PRDM16: variants seen among roughly 807,000 people sequenced by gnomAD.
PRDM16 encodes PR/SET domain 16, also known as histone-lysine N-methyltransferase PRDM16.
In PRDM16, 23 loss-of-function variants were observed where a neutral mutation model predicts 110.6. That is an observed-to-expected ratio of 0.21 (90% CI 0.15 to 0.29). The LOEUF (loss-of-function observed/expected upper bound fraction) is 0.29. PRDM16 is among the 10% of genes least tolerant of loss of function. PRDM16 has a pLI of 1.00. For synonymous variants in PRDM16, 799 were observed against 781.8 expected, an observed-to-expected ratio of 1.02 and a Z score of -0.37; for missense variants, 1,615 against 1,794.3, an observed-to-expected ratio of 0.90 and a Z score of 1.81.
At chr1:3,197,719 C>T (rs917169734) in intron 2 of PRDM16, among the ~76,000 whole-genome samples, 11 of 152,200 alleles carry the variant, frequency 7.2e-5, no homozygotes, top group African/African-American at 2.7e-4. Context: ...TGAGGGTGGG[C>T]GGCTGTGGCC....
rs113929753 is a variant in PRDM16 at position 3,436,857 on chromosome 1, G to A, written c.*3046G>A. 440 of 233,074 alleles carry A rather than the reference G, an allele frequency of 1.9e-3. 1 individual carries two copies. Among genetic ancestry groups the A allele is most frequent in the African/African-American group, 6.8e-3 (307 of 45,450 alleles). 14.4% of individuals were successfully genotyped at this position (233,074 alleles called of 1,614,324 possible). On this transcript the variant is annotated 3_prime_UTR_variant, in exon 17 of 17. Transcript: ENST00000270722. ...CAAGCCAGGGGTCCAGGGCCCTTCCGTTCAGCCCAAATGCTGCCCCAATGC... is the reference window on the plus strand; with the variant it reads ...CAAGCCAGGGGTCCAGGGCCCTTCCATTCAGCCCAAATGCTGCCCCAATGC...
intron 2 of PRDM16, among the ~76,000 whole-genome samples, chr1:3,188,837 C>G (rs1275105291): frequency 6.6e-6 from 1 of 152,156 alleles, no homozygotes; most frequent in Non-Finnish European, 1.5e-5. Context: ...GAGGAGGAAG[C>G]AGGGGGCGGG....
At chr1:3,354,535 G>A (rs1308018024) in intron 3 of PRDM16, among the ~76,000 whole-genome samples, 1 of 151,880 alleles carries the variant, frequency 6.6e-6, no homozygotes, top group African/African-American at 2.4e-5. Context: ...GGTCATCCAG[G>A]CCCTCAGCCC....
rs1639713177 is a variant in PRDM16, at chr1:3,243,135, C to T, written c.388-952C>T. 6.6e-6 allele frequency among the ~76,000 whole-genome samples: 1 copy of T among 152,240 alleles called. No homozygotes were observed. Among genetic ancestry groups the T allele is most frequent in the Non-Finnish European group, 1.5e-5 (1 of 68,046 alleles). On this transcript the variant is annotated intron_variant, in intron 2 of 16. Coordinates refer to ENST00000270722, the MANE Select transcript of PRDM16 (RefSeq NM_022114.4). This position sits in a 1 kb window ranked among gnomAD's most constrained non-coding sequence, Gnocchi z 5.5. ...GCCGACTGCTGGCCCACTCCAGCCT[C>T]CCTGTCTCGGCCTCTGTCCACACGT...
rs1638949294 is a variant in PRDM16 at position 3,437,815 on chromosome 1, CAA to C, written c.*4007_*4008del. 4.6e-6 allele frequency: 1 copy of C among 217,780 alleles called. No homozygotes were observed. The highest frequency in any genetic ancestry group is 1.9e-4 in the South Asian group (1 of 5,392). The allele number at this position is 217,780 out of a possible 1,614,324, so 13.5% of individuals were successfully genotyped here. On this transcript the variant is annotated 3_prime_UTR_variant, in exon 17 of 17. Coordinates refer to ENST00000270722, the MANE Select transcript of PRDM16 (RefSeq NM_022114.4). Reference sequence around the variant, plus strand: ...TCCAAACGTGTGATTCACTTGTGAACAAAAGTCATTCTAACAATTGCCTTCAG... The same window carrying C: ...TCCAAACGTGTGATTCACTTGTGAACAAGTCATTCTAACAATTGCCTTCAG...
chr1:3,082,610 C>T (rs778810258), intron 1 of PRDM16, among the ~76,000 whole-genome samples: 5 of 152,240 alleles, frequency 3.3e-5, no homozygotes, highest in Non-Finnish European at 5.9e-5. Flanking sequence ...GCATCCATGC[C>T]TCGGCTGGGT....
rs1641700851 is a variant in PRDM16 at position 3,069,720 on chromosome 1, C to T, written c.37+424C>T. 6.6e-6 allele frequency among the ~76,000 whole-genome samples: 1 copy of T among 152,060 alleles called. No homozygotes were observed. Among genetic ancestry groups the T allele is most frequent in the South Asian group, 2.1e-4 (1 of 4,830 alleles). On this transcript the variant is annotated intron_variant, in intron 1 of 16. Coordinates refer to ENST00000270722, the MANE Select transcript of PRDM16 (RefSeq NM_022114.4). This position sits in a 1 kb window ranked among gnomAD's most constrained non-coding sequence, Gnocchi z 6.1. Reference sequence around the variant, plus strand: ...CTCCCCGCTCGCTCTCTCCCTCTCTCTCTCCGAGTGGCTCTCAGTCCTGGT... The same window carrying T: ...CTCCCCGCTCGCTCTCTCCCTCTCTTTCTCCGAGTGGCTCTCAGTCCTGGT...
chr1:3,126,628 A>G (rs1643214775), intron 1 of PRDM16, among the ~76,000 whole-genome samples: 1 of 152,072 alleles, frequency 6.6e-6, no homozygotes, highest in Admixed American at 6.5e-5. Flanking sequence ...AGGGCTGGGG[A>G]CTGGACCAGG....
chr1:3,194,651 A>G (rs1431720646), intron 2 of PRDM16, among the ~76,000 whole-genome samples: 1 of 146,398 alleles, frequency 6.8e-6, no homozygotes, highest in Non-Finnish European at 1.5e-5. Flanking sequence ...GCCACACGCC[A>G]CCGTCTCCCC....
Position 3,143,172 on chromosome 1 carries a change from G to T in PRDM16, c.38-42953G>T, listed in dbSNP as rs1643584750. On this transcript the variant is annotated intron_variant, in intron 1 of 16. Coordinates refer to ENST00000270722, the MANE Select transcript of PRDM16 (RefSeq NM_022114.4). The surrounding 1 kb of genome is among the most constrained non-coding windows in gnomAD (Gnocchi z 4.5). Reference sequence around the variant, plus strand: ...GGCAACCGCAGTGCTGGGCCGGGGGGAGTCGCTGGTTTGCAGCCCCTCGGG... The same window carrying T: ...GGCAACCGCAGTGCTGGGCCGGGGGTAGTCGCTGGTTTGCAGCCCCTCGGG... 6.6e-6 allele frequency among the ~76,000 whole-genome samples: 1 copy of T among 152,198 alleles called. No individual in the cohort carries two copies. The highest frequency in any genetic ancestry group is 2.4e-5 in the African/African-American group (1 of 41,452).
chr1:3,148,733 A>G lies in PRDM16; in HGVS notation c.38-37392A>G, dbSNP rs537362141. On this transcript the variant is annotated intron_variant, in intron 1 of 16. Coordinates refer to ENST00000270722, the MANE Select transcript of PRDM16 (RefSeq NM_022114.4). The surrounding 1 kb of genome is among the most constrained non-coding windows in gnomAD (Gnocchi z 5.0). ...AAGCCAAAGGGTGGTGAATCTGGGCACTGCCTGGGACCATGGGGGGACCAC... is the reference window on the plus strand; with the variant it reads ...AAGCCAAAGGGTGGTGAATCTGGGCGCTGCCTGGGACCATGGGGGGACCAC... Among the ~76,000 whole-genome samples, 3 of 152,352 alleles carry G rather than the reference A, an allele frequency of 2.0e-5. No individual in the cohort carries two copies. In the South Asian group the frequency reaches 6.2e-4, roughly 32 times the overall value.
At chr1:3,421,153 C>A (rs1638415631) in intron 12 of PRDM16, among the ~76,000 whole-genome samples, 1 of 152,158 alleles carries the variant, frequency 6.6e-6, no homozygotes, top group South Asian at 2.1e-4. Flanking sequence ...TTCTTTCTTC[C>A]TCTTCCCTCA....
intron 1 of PRDM16, among the ~76,000 whole-genome samples, chr1:3,109,787 C>T (rs1490116260): frequency 1.3e-5 from 2 of 152,232 alleles, no homozygotes; most frequent in Non-Finnish European, 2.9e-5. Flanking sequence ...CCAAATATCA[C>T]CTGAGTGGCC....
chr1:3,376,996 C>A (rs954125880), intron 3 of PRDM16, among the ~76,000 whole-genome samples: 1 of 152,378 alleles, frequency 6.6e-6, no homozygotes, highest in East Asian at 1.9e-4. Context: ...AACGCCTTTC[C>A]CCCACCTCCT....
chr1:3,166,345 GC>G (rs1180566731), intron 1 of PRDM16, among the ~76,000 whole-genome samples: 1 of 152,246 alleles, frequency 6.6e-6, no homozygotes, highest in Non-Finnish European at 1.5e-5. Flanking sequence ...GGTGCCACAG[GC>G]CAGGCGTCTG....
At chr1:3,115,968 C>T (rs1157089059) in intron 1 of PRDM16, among the ~76,000 whole-genome samples, 1 of 152,112 alleles carries the variant, frequency 6.6e-6, no homozygotes, top group Admixed American at 6.5e-5. Context: ...CATGCCCCAG[C>T]CTCCCGGGAG....
rs900818100 is a variant in PRDM16 at position 3,265,737 on chromosome 1, A to G, written c.438+21600A>G. On this transcript the variant is annotated intron_variant, in intron 3 of 16. Coordinates refer to ENST00000270722, the MANE Select transcript of PRDM16 (RefSeq NM_022114.4). This position sits in a 1 kb window ranked among gnomAD's most constrained non-coding sequence, Gnocchi z 4.5. ...TGACTGTGGTTAATCAGGAGGTCACAGTTAGCCCCAGCCAGACAGGCATTA... is the reference window on the plus strand; with the variant it reads ...TGACTGTGGTTAATCAGGAGGTCACGGTTAGCCCCAGCCAGACAGGCATTA... Among the ~76,000 whole-genome samples the G allele has an allele frequency of 2.0e-5, 3 of 152,126 alleles. No homozygotes were observed. Among genetic ancestry groups the G allele is most frequent in the African/African-American group, 7.2e-5 (3 of 41,412 alleles).
Position 3,230,443 on chromosome 1 carries a change from C to T in PRDM16, c.388-13644C>T, listed in dbSNP as rs116624515. Among the ~76,000 whole-genome samples, 792 of 152,348 alleles carry T rather than the reference C, an allele frequency of 5.2e-3. 3 individuals carry two copies. The highest frequency in any genetic ancestry group is 0.018 in the African/African-American group (762 of 41,576). ...CACCAGACCTGCCCCAGAGAAGAGA[C>T]CCTTCCCCATCCCAGAGGAGGTTGA... On this transcript the variant is annotated intron_variant, in intron 2 of 16. Transcript: ENST00000270722.
At chr1:3,082,348 A>G (rs987636513) in intron 1 of PRDM16, among the ~76,000 whole-genome samples, 1 of 152,148 alleles carries the variant, frequency 6.6e-6, no homozygotes, top group Non-Finnish European at 1.5e-5. Context: ...TGCCTGGCCA[A>G]TGTCAGAGGG....
Sources: allele counts gnomAD v4.1 joint callset (sites outside exome capture counted in the v4.1 genomes callset), GRCh38; gene constraint gnomAD v4.1.1; non-coding constraint Gnocchi (gnomAD v3.1); transcripts MANE v1.5; gene names NCBI Gene and HGNC (gene_info 2026-07-23, HGNC 2026-07-21).